E2F2: variants seen among roughly 807,000 people sequenced by gnomAD.
E2F2 encodes the protein transcription factor E2F2.
In E2F2, 22 loss-of-function variants were observed where a neutral mutation model predicts 42.2. That is an observed-to-expected ratio of 0.52 (90% confidence interval 0.37 to 0.74). E2F2 has a LOEUF of 0.74. Ranked by LOEUF, E2F2 falls within the 30% of genes least tolerant of loss-of-function variation. The pLI, the probability that E2F2 is intolerant of heterozygous loss-of-function variation, is 0.00. For synonymous variants in E2F2, 248 were observed against 251.6 expected, an observed-to-expected ratio of 0.99 and a Z score of 0.13; for missense variants, 481 against 557.8, an observed-to-expected ratio of 0.86 and a Z score of 1.39.
Position 23,514,124 on chromosome 1 carries a change from A to T in E2F2, c.1045+2211T>A, listed in dbSNP as rs1188629726. Among the ~76,000 whole-genome samples, 11 of 31,970 alleles carry T rather than the reference A, an allele frequency of 3.4e-4. No homozygotes were observed. In the East Asian group the frequency reaches 0.016, roughly 47 times the overall value. 21.0% of individuals were successfully genotyped at this position (31,970 alleles called of 152,430 possible). On this transcript the variant is annotated intron_variant, in intron 6 of 6. Coordinates refer to ENST00000361729, the MANE Select transcript of E2F2 (RefSeq NM_004091.4). ...GGGTGATAGAGTGAGACTCTGTCTT[A>T]AAAAAAAAAAAACAACTTCACACCC... is the stretch of plus-strand genomic sequence containing the variant.
At position 23,513,076 on chromosome 1, in the gene E2F2, G is replaced by T. The variant is rs192317981; in HGVS notation, c.1046-2928C>A. Among the ~76,000 whole-genome samples, 4 of 151,354 alleles carry T rather than the reference G, an allele frequency of 2.6e-5. No homozygotes were observed. In the East Asian group the frequency reaches 7.8e-4, roughly 29 times the overall value. On this transcript the variant is annotated intron_variant, in intron 6 of 6. Transcript: ENST00000361729. ...GATCCACCTCCCTCGGCCTCTCCAA[G>T]TGCTGGATTACAGGTGTGTGCCACC... is the stretch of plus-strand genomic sequence containing the variant.
intron 5 of E2F2, 96 bp downstream of exon 5, chr1:23,518,920 G>A: frequency 1.1e-6 from 1 of 933,852 alleles, no homozygotes; most frequent in Non-Finnish European, 1.7e-6. Flanking sequence ...CAAAGCATGG[G>A]GCTAGGCAGT....
At chr1:23,505,756 G>A (rs115496564), downstream of E2F2, among the ~76,000 whole-genome samples, 3 of 152,112 alleles carry the variant, frequency 2.0e-5, no homozygotes, top group Admixed American at 6.5e-5. Flanking sequence ...CTTGCGATCC[G>A]CCCGCCTTGG....
Position 23,509,681 on chromosome 1 carries a change from C to T in E2F2, c.*199G>A. On this transcript the variant is annotated 3_prime_UTR_variant, in exon 7 of 7. Coordinates refer to ENST00000361729, the MANE Select transcript of E2F2 (RefSeq NM_004091.4). ...CCAGCTTCCATTAGGAAGGTGAGGA[C>T]CACCCCTTATCCACTCCTCACCCGT... is the stretch of plus-strand genomic sequence containing the variant. 9.6e-7 allele frequency: 1 copy of T among 1,046,510 alleles called. No individual in the cohort carries two copies. Among genetic ancestry groups the T allele is most frequent in the Non-Finnish European group, 1.2e-6 (1 of 802,720 alleles). The allele number at this position is 1,046,510 out of a possible 1,614,324, so 64.8% of individuals were successfully genotyped here.
chr1:23,520,844 A>G (rs1476631436), intron 4 of E2F2, 69 bp downstream of exon 4: 67 of 1,436,306 alleles, frequency 4.7e-5, no homozygotes, highest in Non-Finnish European at 6.2e-5. Context: ...TACTGAATCA[A>G]CTCAGGATAG....
At chr1:23,525,295 G>A (rs3218148) in intron 1 of E2F2, among the ~76,000 whole-genome samples, 67,118 of 151,732 alleles carry the variant, frequency 0.44, 18,142 homozygotes, top group East Asian at 0.83. Flanking sequence ...GTTGCCACCC[G>A]GGCCCCAATT....
downstream of E2F2, chr1:23,506,292 G>C (rs1454238696): frequency 1.3e-5 from 2 of 152,252 alleles, no homozygotes; most frequent in Non-Finnish European, 2.9e-5. Flanking sequence ...ATGGTGATAA[G>C]AGACTGTATC....
At chr1:23,521,814 C>T (rs774859425) in intron 3 of E2F2, 23 bp downstream of exon 3, 2 of 1,612,274 alleles carry the variant, frequency 1.2e-6, no homozygotes, top group South Asian at 1.1e-5. Flanking sequence ...TTGGAGGGTA[C>T]CACTGGCCGC....
In E2F2 at chr1:23,524,596, C is replaced by T. The variant is rs1643217966; in HGVS notation, c.253-108G>A. ...AAGCCACTTAGCAGCCACCTCTGTGCCTCAGTTTACCGCCAGTCCTGGTGA... is the reference window on the plus strand; with the variant it reads ...AAGCCACTTAGCAGCCACCTCTGTGTCTCAGTTTACCGCCAGTCCTGGTGA... On this transcript the variant is annotated intron_variant, in intron 1 of 6. Transcript: ENST00000361729. 7 of 870,162 alleles carry T rather than the reference C, an allele frequency of 8.0e-6. No individual in the cohort carries two copies. In the Admixed American group the frequency reaches 1.7e-4, roughly 21 times the overall value. The allele number at this position is 870,162 out of a possible 1,614,324, so 53.9% of individuals were successfully genotyped here. A position where few individuals can be genotyped will look rare whatever the true frequency, so the allele number is the denominator to read the frequency against.
chr1:23,513,407 C>T (rs1262031502), intron 6 of E2F2, among the ~76,000 whole-genome samples: 1 of 152,112 alleles, frequency 6.6e-6, no homozygotes, highest in Non-Finnish European at 1.5e-5. Context: ...CCTTCCATTA[C>T]AGATGAGGGA....
intron 1 of E2F2, among the ~76,000 whole-genome samples, chr1:23,526,850 T>TGCACACACACACACACAC (rs1643258740): frequency 1.8e-5 from 2 of 109,096 alleles, no homozygotes; most frequent in Non-Finnish European, 2.0e-5. Flanking sequence ...TGCATGTACT[T>TGCACACACACACACACAC]GCACACACAC....
intron 5 of E2F2, 39 bp downstream of exon 5, chr1:23,518,977 G>C: frequency 6.4e-7 from 1 of 1,566,786 alleles, no homozygotes; most frequent in East Asian, 2.3e-5. Flanking sequence ...CCCTGGCAGG[G>C]TCTCAACCCT....
chr1:23,521,773 C>A, intron 3 of E2F2, 64 bp downstream of exon 3: 1 of 1,587,382 alleles, frequency 6.3e-7, no homozygotes, highest in Non-Finnish European at 8.6e-7. Context: ...CTGGCTATTG[C>A]CTCTGGCTCC....
intron 2 of E2F2, among the ~76,000 whole-genome samples, chr1:23,524,095 C>CAAAAAAA (rs1424181672): frequency 8.6e-6 from 1 of 116,634 alleles, no homozygotes; most frequent in African/African-American, 4.4e-5. Flanking sequence ...ACAACAACAA[C>CAAAAAAA]AACAACAACA....
In E2F2 at chr1:23,510,131, T is replaced by C; in HGVS notation, c.1063A>G (p.Thr355Ala). The C allele has an allele frequency of 6.3e-7, 1 of 1,599,772 alleles. No individual in the cohort carries two copies. The highest frequency in any genetic ancestry group is 8.5e-7 in the Non-Finnish European group (1 of 1,174,010). ...TASSVPAPAP[T>A]PQQAPPPPSL... Reference sequence around the variant, plus strand: ...GGAGGCGGTGGGGCCTGCTGGGGGGTTGGCGCTGGTGCTGGCACTGGAGAC... The same window carrying C: ...GGAGGCGGTGGGGCCTGCTGGGGGGCTGGCGCTGGTGCTGGCACTGGAGAC... The change falls in exon 7 of 7, where the codon ACC (threonine) becomes GCC (alanine). Residue 355 changes from threonine (T) to alanine (A), a missense_variant. Transcript: ENST00000361729.
Position 23,509,932 on chromosome 1 carries a change from C to T in E2F2, c.1262G>A (p.Gly421Asp), listed in dbSNP as rs1385986421. ...GTAGGAGTCGAAGAGATCGCTGATG[C>T]CCTCACCCGCCTCCAAGCCCCACAG... is the stretch of plus-strand genomic sequence containing the variant. ...DYLWGLEAGE[G>D]ISDLFDSYDL... is the part of the protein sequence containing the mutation. The change falls in exon 7 of 7, where the codon GGC becomes GAC. Residue 421 changes from glycine (G) to aspartate (D), a missense_variant. Physicochemically the swap from Gly to Asp is moderately conservative, Grantham distance 94 (BLOSUM62 -1). Coordinates refer to ENST00000361729, the MANE Select transcript of E2F2 (RefSeq NM_004091.4). The T allele has an allele frequency of 2.5e-6, 4 of 1,601,988 alleles. No homozygotes were observed. The highest frequency in any genetic ancestry group is 3.4e-6 in the Non-Finnish European group (4 of 1,173,300).
At position 23,530,768 on chromosome 1, in the gene E2F2, G is replaced by A. The variant is rs1302245919; in HGVS notation, c.26C>T (p.Ala9Val). Reference sequence around the variant, plus strand: ...CTTCGGGGTCTGCCCAGCGGCCGAAGCCAAGGCCCGGGGCCCTTGCAGCAT... The same window carrying A: ...CTTCGGGGTCTGCCCAGCGGCCGAAACCAAGGCCCGGGGCCCTTGCAGCAT... The part of the protein sequence containing the change: MLQGPRAL[A>V]SAAGQTPKVV... Residue 9 changes from alanine (A) to valine (V), a missense_variant, in exon 1 of 7, where the codon GCT becomes GTT. Coordinates refer to ENST00000361729, the MANE Select transcript of E2F2 (RefSeq NM_004091.4). This position sits in a 1 kb window ranked among gnomAD's most constrained non-coding sequence, Gnocchi z 4.4. 1 of 1,565,556 alleles carries A rather than the reference G, an allele frequency of 6.4e-7. No individual in the cohort carries two copies. Among genetic ancestry groups the A allele is most frequent in the South Asian group, 1.1e-5 (1 of 87,264 alleles).
intron 6 of E2F2, among the ~76,000 whole-genome samples, chr1:23,512,027 G>A (rs1019099040): frequency 5.3e-5 from 8 of 151,920 alleles, no homozygotes; most frequent in African/African-American, 1.9e-4. Context: ...GTGAAACACC[G>A]TCTCTACTAA....
At chr1:23,528,941 G>A (rs890395132) in intron 1 of E2F2, among the ~76,000 whole-genome samples, 3 of 152,196 alleles carry the variant, frequency 2.0e-5, no homozygotes, top group Non-Finnish European at 4.4e-5. Flanking sequence ...CATTAGAGTA[G>A]CTAGCTCATG....
Sources: gnomAD v4.1 joint callset for allele counts (sites outside exome capture counted in the v4.1 genomes callset) on GRCh38, gnomAD v4.1.1 for gene constraint, Gnocchi (gnomAD v3.1) non-coding constraint, MANE v1.5 for transcripts, NCBI Gene and HGNC (gene_info 2026-07-23, HGNC 2026-07-21) for gene names.